The following UNC5C variants were observed in gnomAD, a reference collection of about 807,000 sequenced individuals.
The protein encoded by UNC5C is unc-5 netrin receptor C.
A neutral mutation model predicts 99.8 loss-of-function variants in UNC5C; 47 were observed. The ratio of observed to expected loss-of-function variants is 0.47; its 90% CI spans 0.37 to 0.60. The LOEUF (loss-of-function observed/expected upper bound fraction) is 0.60, where lower values mean the gene tolerates loss of function less well. Among genes scored for constraint, UNC5C ranks in the 20% least tolerant of loss-of-function variants. The pLI is 0.00. For synonymous variants in UNC5C, 487 were observed against 452.2 expected, an observed-to-expected ratio of 1.08 and a Z score of -0.98; for missense variants, 1,062 against 1,165.9, an observed-to-expected ratio of 0.91 and a Z score of 1.30.
chr4:95,320,745 G>T (rs954866546), intron 2 of UNC5C, among the ~76,000 whole-genome samples: 1 of 152,162 alleles, frequency 6.6e-6, no homozygotes, highest in Non-Finnish European at 1.5e-5. Flanking sequence ...GGGTGGACAC[G>T]ATTTGATTTT....
At chr4:95,408,786 C>T (rs1745896664) in intron 1 of UNC5C, among the ~76,000 whole-genome samples, 1 of 152,130 alleles carries the variant, frequency 6.6e-6, no homozygotes, top group East Asian at 1.9e-4. Context: ...GACAGAAAGA[C>T]ATTTCTCTTC....
At chr4:95,457,015 T>G (rs2149469467) in intron 1 of UNC5C, among the ~76,000 whole-genome samples, 1 of 152,270 alleles carries the variant, frequency 6.6e-6, no homozygotes, top group South Asian at 2.1e-4. Context: ...TTTGCAGAAC[T>G]TATTAGATAC....
intron 7 of UNC5C, among the ~76,000 whole-genome samples, chr4:95,241,353 T>G (rs1022743469): frequency 3.3e-5 from 5 of 152,232 alleles, no homozygotes; most frequent in Non-Finnish European, 5.9e-5. Flanking sequence ...TGGATTTTTA[T>G]TCTGTGTGAG....
At chr4:95,383,835 T>C (rs994412387) in intron 1 of UNC5C, among the ~76,000 whole-genome samples, 6 of 152,200 alleles carry the variant, frequency 3.9e-5, no homozygotes, top group Non-Finnish European at 8.8e-5. Flanking sequence ...TTTTAATAAA[T>C]GGAGACATGG....
At chr4:95,431,313 C>T (rs1267981376) in intron 1 of UNC5C, among the ~76,000 whole-genome samples, 7 of 152,054 alleles carry the variant, frequency 4.6e-5, no homozygotes, top group African/African-American at 7.2e-5. Context: ...AGAATCATCT[C>T]GAAAGCCTGT....
chr4:95,394,411 C>G (rs924484785), intron 1 of UNC5C, among the ~76,000 whole-genome samples: 5 of 152,134 alleles, frequency 3.3e-5, no homozygotes, highest in African/African-American at 1.2e-4. Context: ...GAACAGGGAT[C>G]GACTTTTACC....
chr4:95,374,468 G>T (rs557884635), intron 1 of UNC5C, among the ~76,000 whole-genome samples: 1 of 152,146 alleles, frequency 6.6e-6, no homozygotes, highest in South Asian at 2.1e-4. Context: ...CACATGCTCT[G>T]TCCACACCCC....
intron 1 of UNC5C, among the ~76,000 whole-genome samples, chr4:95,357,087 T>C (rs1744230056): frequency 6.6e-6 from 1 of 151,974 alleles, no homozygotes; most frequent in Non-Finnish European, 1.5e-5. Context: ...CTCTTCTTAA[T>C]TTTGAGCTAC....
intron 1 of UNC5C, among the ~76,000 whole-genome samples, chr4:95,389,869 A>G (rs993972022): frequency 6.6e-6 from 1 of 152,144 alleles, no homozygotes; most frequent in African/African-American, 2.4e-5. Flanking sequence ...TTGAATTAAA[A>G]TAATATTATT....
intron 1 of UNC5C, among the ~76,000 whole-genome samples, chr4:95,451,947 C>T (rs560032857): frequency 6.6e-6 from 1 of 152,122 alleles, no homozygotes; most frequent in East Asian, 1.9e-4. Flanking sequence ...GAAACATGGT[C>T]GTGTCTGTAA....
At chr4:95,356,218 C>A (rs56967164) in intron 1 of UNC5C, among the ~76,000 whole-genome samples, 19,638 of 78,688 alleles carry the variant, frequency 0.25, 2,207 homozygotes, top group African/African-American at 0.38. Context: ...AAAAACAAAA[C>A]AAAAAAAAAA....
intron 4 of UNC5C, among the ~76,000 whole-genome samples, chr4:95,268,396 G>A (rs750517190): frequency 6.6e-6 from 1 of 152,212 alleles, no homozygotes; most frequent in Non-Finnish European, 1.5e-5. Flanking sequence ...TAAAAAGGAA[G>A]GAAAGACCAA....
intron 1 of UNC5C, among the ~76,000 whole-genome samples, chr4:95,404,565 A>G (rs1184033972): frequency 6.6e-6 from 1 of 152,140 alleles, no homozygotes; most frequent in African/African-American, 2.4e-5. Context: ...TTGTTTTCTC[A>G]TTTATTAAAT....
chr4:95,277,530 G>A (rs1346924204), intron 4 of UNC5C, among the ~76,000 whole-genome samples: 1 of 152,212 alleles, frequency 6.6e-6, no homozygotes, highest in Admixed American at 6.5e-5. Flanking sequence ...CCTCAACAGT[G>A]TGATCTAAGA....
At chr4:95,525,092 C>T (rs939631090) in intron 1 of UNC5C, among the ~76,000 whole-genome samples, 1 of 152,154 alleles carries the variant, frequency 6.6e-6, no homozygotes, top group Non-Finnish European at 1.5e-5. Flanking sequence ...AAACACTGCA[C>T]ACAGAGTTGA....
intron 1 of UNC5C, among the ~76,000 whole-genome samples, chr4:95,443,756 T>A (rs1277811564): frequency 6.6e-6 from 1 of 152,262 alleles, no homozygotes; most frequent in South Asian, 2.1e-4. Flanking sequence ...AACTATATAT[T>A]TATTGTTTCT....
chr4:95,514,734 G>A (rs1024387732), intron 1 of UNC5C, among the ~76,000 whole-genome samples: 13 of 151,438 alleles, frequency 8.6e-5, no homozygotes, highest in African/African-American at 3.2e-4. Flanking sequence ...GTGCAATGGC[G>A]AGATCTTGGC....
chr4:95,435,139 G>A (rs1336029274), intron 1 of UNC5C, among the ~76,000 whole-genome samples: 1 of 152,006 alleles, frequency 6.6e-6, no homozygotes, highest in East Asian at 1.9e-4. Flanking sequence ...CAAACAAAAG[G>A]TTTTGAAATG....
At chr4:95,229,594 G>C (rs1033211128) in intron 7 of UNC5C, among the ~76,000 whole-genome samples, 1 of 152,004 alleles carries the variant, frequency 6.6e-6, no homozygotes, top group African/African-American at 2.4e-5. Flanking sequence ...ACATATGTGC[G>C]CATGTGTCTT....
Sources: allele counts gnomAD v4.1 joint callset (sites outside exome capture counted in the v4.1 genomes callset), GRCh38; gene constraint gnomAD v4.1.1; transcripts MANE v1.5; gene names NCBI Gene and HGNC (gene_info 2026-07-23, HGNC 2026-07-21).